KDM4E: variants seen among roughly 807,000 people sequenced by gnomAD.
The protein encoded by KDM4E is lysine-specific demethylase 4E.
For missense variants in KDM4E, 576 were observed against 642.6 expected, an observed-to-expected ratio of 0.90 and a Z score of 1.12; for synonymous variants, 229 against 232.9, an observed-to-expected ratio of 0.98 and a Z score of 0.15.
rs553664971 is a variant in KDM4E at position 95,025,896 on chromosome 11, G to T, written c.339G>T (p.Gln113His). The change falls in exon 1 of 1, where the codon CAG (glutamine) becomes CAT (histidine). Residue 113 changes from glutamine (Q) to histidine (H), a missense_variant. Gln to His is a conservative substitution (Grantham distance 24). Coordinates refer to ENST00000450979, the MANE Select transcript of KDM4E (RefSeq NM_001161630.1). The part of the protein sequence containing the change: ...NSKKYQTPPH[Q>H]NFADLEQRYW... ...AAAAATATCAGACTCCGCCACACCA[G>T]AATTTTGCAGATTTGGAGCAACGAT... 55 of 1,585,106 alleles carry T rather than the reference G, an allele frequency of 3.5e-5. No individual in the cohort carries two copies. In the Middle Eastern group the frequency reaches 6.6e-4, roughly 19 times the overall value.
In KDM4E at chr11:95,026,208, T is replaced by C. The variant is rs782544321; in HGVS notation, c.651T>C (p.Gly217=). The C allele has an allele frequency of 6.2e-7, 1 of 1,614,120 alleles. No homozygotes were observed. Among genetic ancestry groups the C allele is most frequent in the Non-Finnish European group, 8.5e-7 (1 of 1,180,018 alleles). The change falls in exon 1 of 1, where the codon GGT becomes GGC. Residue 217 remains glycine (G), a synonymous_variant. Transcript: ENST00000450979. The stretch of plus-strand genomic sequence containing the variant: ...GGTACGTGGTGCCCCCAGAACATGG[T>C]CAGCACCTGGAACGCCTGGCCAGGG... ...KTWYVVPPEH[G]QHLERLAREL...
chr11:95,026,267 C>G lies in KDM4E; in HGVS notation c.710C>G (p.Ala237Gly), dbSNP rs529160852. Reference sequence around the variant, plus strand: ...CCAGACATTTCTCGGGGCTGTGAGGCCTTCCTGCGGCACAAAGTGGCCCTC... The same window carrying G: ...CCAGACATTTCTCGGGGCTGTGAGGGCTTCCTGCGGCACAAAGTGGCCCTC... ...LFPDISRGCE[A>G]FLRHKVALIS... is the part of the protein sequence containing the mutation. The change falls in exon 1 of 1, where the codon GCC becomes GGC. Residue 237 changes from alanine (A) to glycine (G), a missense_variant. Physicochemically the swap from Ala to Gly is moderately conservative, Grantham distance 60. Transcript: ENST00000450979. 1.4e-5 allele frequency: 23 copies of G among 1,613,988 alleles called. No individual in the cohort carries two copies. In the South Asian group the frequency reaches 1.9e-4, roughly 13 times the overall value.
rs1022705375 is a variant in KDM4E, at chr11:95,027,056, T to G, written c.1499T>G (p.Leu500Trp). The G allele has an allele frequency of 2.6e-6, 4 of 1,537,128 alleles. No homozygotes were observed. The East Asian group carries it at 9.8e-5, about 38-fold the overall frequency. The change falls in exon 1 of 1, where the codon TTG becomes TGG. Residue 500 changes from leucine to tryptophan, a missense_variant. By Grantham distance (61) the Leu-to-Trp change is moderately conservative. Transcript: ENST00000450979. ...CCTCAGCTCCCGCTTGCCAATGATT[T>G]GATGACAAATCTGTCCCTTTGAGTG... The part of the protein sequence containing the change: ...HRPQLPLAND[L>W]MTNLSL
chr11:95,025,469 A>ATG lies in KDM4E; in HGVS notation c.-89_-88insTG. 6.9e-7 allele frequency: 1 copy of ATG among 1,439,636 alleles called. No homozygotes were observed. Among genetic ancestry groups the ATG allele is most frequent in the Non-Finnish European group, 9.1e-7 (1 of 1,100,452 alleles). 89.2% of individuals were successfully genotyped at this position (1,439,636 alleles called of 1,614,324 possible). A position where few individuals can be genotyped will look rare whatever the true frequency, so the allele number is the denominator to read the frequency against. The stretch of plus-strand genomic sequence containing the variant: ...ATAAACCAAAGTATTTTGAAAAACA[A>ATG]AGGGGAGAAAAGAAATTACTCCCCA... On this transcript the variant is annotated 5_prime_UTR_variant, in exon 1 of 1. It adds an upstream start codon to the 5' untranslated region. Transcript: ENST00000450979.
chr11:95,026,727 C>CT lies in KDM4E; in HGVS notation c.1171dup (p.Cys391LeufsTer10). On this transcript the variant is annotated frameshift_variant, in exon 1 of 1. Transcript: ENST00000450979. LOFTEE classifies it low-confidence loss of function (END_TRUNC). ...CCACACAGCCTGTGTCCTCAGGGCA[C>CT]TGTTACAACCCAAAAGGCTGTGGCA... is the stretch of plus-strand genomic sequence containing the variant. 6.5e-7 allele frequency: 1 copy of CT among 1,537,270 alleles called. No homozygotes were observed. The highest frequency in any genetic ancestry group is 8.7e-7 in the Non-Finnish European group (1 of 1,146,906).
rs1433902552 is a variant in KDM4E, at chr11:95,027,091, A to C, written c.*13A>C. On this transcript the variant is annotated 3_prime_UTR_variant, in exon 1 of 1. Transcript: ENST00000450979. Reference sequence around the variant, plus strand: ...TCTGTCCCTTTGAGTGGTGGCCTTCAGCATCTTGCCAAGGCTTCTGGCTGC... The same window carrying C: ...TCTGTCCCTTTGAGTGGTGGCCTTCCGCATCTTGCCAAGGCTTCTGGCTGC... The C allele has an allele frequency of 6.5e-7, 1 of 1,534,654 alleles. No individual in the cohort carries two copies. Among genetic ancestry groups the C allele is most frequent in the Non-Finnish European group, 8.7e-7 (1 of 1,145,312 alleles).
Position 95,025,622 on chromosome 11 carries a change from T to A in KDM4E, c.65T>A (p.Met22Lys), listed in dbSNP as rs1020236796. The A allele has an allele frequency of 1.4e-5, 22 of 1,537,452 alleles. No individual in the cohort carries two copies. The highest frequency in any genetic ancestry group is 1.9e-5 in the Non-Finnish European group (22 of 1,146,940). The change falls in exon 1 of 1, where the codon ATG (methionine) becomes AAG (lysine). Residue 22 changes from methionine to lysine, a missense_variant. Met to Lys is a moderately conservative substitution (Grantham distance 95). Transcript: ENST00000450979. ...SHTIMTFYPT[M>K]EEFADFNTYV... ...ACCATCATGACGTTTTACCCAACCATGGAAGAATTTGCAGATTTCAACACA... is the reference window on the plus strand; with the variant it reads ...ACCATCATGACGTTTTACCCAACCAAGGAAGAATTTGCAGATTTCAACACA...
At position 95,026,508 on chromosome 11, in the gene KDM4E, C is replaced by T. The variant is rs1156299897; in HGVS notation, c.951C>T (p.Ser317=). 4 of 1,587,540 alleles carry T rather than the reference C, an allele frequency of 2.5e-6. No homozygotes were observed. Among genetic ancestry groups the T allele is most frequent in the Non-Finnish European group, 3.4e-6 (4 of 1,172,536 alleles). The change falls in exon 1 of 1, where the codon TCC becomes TCT. Residue 317 remains serine, a synonymous_variant. Coordinates refer to ENST00000450979, the MANE Select transcript of KDM4E (RefSeq NM_001161630.1). Reference sequence around the variant, plus strand: ...GTGGGGAGTCGACAGTGACCTTTTCCATGGACCCCTTTGTGCGCATTGTGC... The same window carrying T: ...GTGGGGAGTCGACAGTGACCTTTTCTATGGACCCCTTTGTGCGCATTGTGC... ...CSCGESTVTF[S]MDPFVRIVQP...
Position 95,026,840 on chromosome 11 carries a change from T to G in KDM4E, c.1283T>G (p.Leu428Arg), listed in dbSNP as rs1018509086. ...SLTLGMSARV[L>R]LPSTGSWGSG... ...ACCCTGGGGATGTCAGCCAGGGTTCTTCTCCCTTCCACTGGAAGCTGGGGT... is the reference window on the plus strand; with the variant it reads ...ACCCTGGGGATGTCAGCCAGGGTTCGTCTCCCTTCCACTGGAAGCTGGGGT... The change falls in exon 1 of 1, where the codon CTT (leucine) becomes CGT (arginine). Residue 428 changes from leucine to arginine, a missense_variant. Transcript: ENST00000450979. 6.5e-7 allele frequency: 1 copy of G among 1,537,268 alleles called. No homozygotes were observed. The highest frequency in any genetic ancestry group is 8.7e-7 in the Non-Finnish European group (1 of 1,146,906).
chr11:95,026,438 C>T lies in KDM4E; in HGVS notation c.881C>T (p.Thr294Ile). 6.2e-7 allele frequency: 1 copy of T among 1,611,882 alleles called. No individual in the cohort carries two copies. The highest frequency in any genetic ancestry group is 8.5e-7 in the Non-Finnish European group (1 of 1,179,996). The change falls in exon 1 of 1, where the codon ACT becomes ATT. Residue 294 changes from threonine (T) to isoleucine (I), a missense_variant. Coordinates refer to ENST00000450979, the MANE Select transcript of KDM4E (RefSeq NM_001161630.1). ...FNCAEAINFA[T>I]PRWIDYGKMA... is the part of the protein sequence containing the mutation. ...TGCGCAGAAGCCATTAATTTTGCCA[C>T]TCCACGATGGATTGATTATGGCAAA... is the stretch of plus-strand genomic sequence containing the variant.
At position 95,027,372 on chromosome 11, in the gene KDM4E, G is replaced by T; in HGVS notation, c.*294G>T. 1 of 413,462 alleles carries T rather than the reference G, an allele frequency of 2.4e-6. No homozygotes were observed. Among genetic ancestry groups the T allele is most frequent in the Non-Finnish European group, 4.3e-6 (1 of 230,744 alleles). The allele number at this position is 413,462 out of a possible 1,614,324, so 25.6% of individuals were successfully genotyped here. The stretch of plus-strand genomic sequence containing the variant: ...GCTGTAGCAATGGACCACTTTTACG[G>T]CTCTAGGGTTCTGACTCCAACTAAG... On this transcript the variant is annotated 3_prime_UTR_variant, in exon 1 of 1. Transcript: ENST00000450979.
Position 95,026,708 on chromosome 11 carries a change from A to T in KDM4E, c.1151A>T (p.Gln384Leu). The change falls in exon 1 of 1, where the codon CAG (glutamine) becomes CTG (leucine). Residue 384 changes from glutamine (Q) to leucine (L), a missense_variant. Physicochemically the swap from Gln to Leu is moderately radical, Grantham distance 113. Transcript: ENST00000450979. The stretch of plus-strand genomic sequence containing the variant: ...AACCTCACAGCCCAGTGTCCCACAC[A>T]GCCTGTGTCCTCAGGGCACTGTTAC... ...LPNLTAQCPT[Q>L]PVSSGHCYNP... is the part of the protein sequence containing the mutation. The T allele has an allele frequency of 6.5e-7, 1 of 1,537,282 alleles. No individual in the cohort carries two copies.
At position 95,026,472 on chromosome 11, in the gene KDM4E, T is replaced by C. The variant is rs782367768; in HGVS notation, c.915T>C (p.Ser305=). 1.2e-6 allele frequency: 2 copies of C among 1,606,724 alleles called. No homozygotes were observed. Among genetic ancestry groups the C allele is most frequent in the South Asian group, 1.1e-5 (1 of 90,764 alleles). The change falls in exon 1 of 1, where the codon TCT becomes TCC. Residue 305 remains serine (S), a synonymous_variant. Coordinates refer to ENST00000450979, the MANE Select transcript of KDM4E (RefSeq NM_001161630.1). ...GGATTGATTATGGCAAAATGGCCTC[T>C]CAGTGTAGCTGTGGGGAGTCGACAG... is the stretch of plus-strand genomic sequence containing the variant. ...PRWIDYGKMA[S]QCSCGESTVT...
At position 95,027,594 on chromosome 11, in the gene KDM4E, G is replaced by A. The variant is rs115129996; in HGVS notation, c.*516G>A. 1,153 of 159,098 alleles carry A rather than the reference G, an allele frequency of 7.2e-3. 12 individuals carry two copies. The highest frequency in any genetic ancestry group is 0.026 in the African/African-American group (1,099 of 41,536). 9.9% of individuals were successfully genotyped at this position (159,098 alleles called of 1,614,324 possible). On this transcript the variant is annotated 3_prime_UTR_variant, in exon 1 of 1. Coordinates refer to ENST00000450979, the MANE Select transcript of KDM4E (RefSeq NM_001161630.1). ...CTGCAGTAACTGACACATTTCCAAG[G>A]CCCCCAGATGCTGTCTCCAACTGTG...
Position 95,025,442 on chromosome 11 carries a change from A to C in KDM4E, c.-116A>C, listed in dbSNP as rs934394486. On this transcript the variant is annotated 5_prime_UTR_variant, in exon 1 of 1. Transcript: ENST00000450979. ...GTCCAAGTGTGAATTACTGTCTCACAGATAAACCAAAGTATTTTGAAAAAC... is the reference window on the plus strand; with the variant it reads ...GTCCAAGTGTGAATTACTGTCTCACCGATAAACCAAAGTATTTTGAAAAAC... 1 of 1,420,272 alleles carries C rather than the reference A, an allele frequency of 7.0e-7. No homozygotes were observed. Among genetic ancestry groups the C allele is most frequent in the African/African-American group, 1.4e-5 (1 of 69,388 alleles). The allele number at this position is 1,420,272 out of a possible 1,614,324, so 88.0% of individuals were successfully genotyped here.
At position 95,025,609 on chromosome 11, in the gene KDM4E, T is replaced by G. The variant is rs782065295; in HGVS notation, c.52T>G (p.Phe18Val). 11 of 1,537,130 alleles carry G rather than the reference T, an allele frequency of 7.2e-6. No homozygotes were observed. In the East Asian group the frequency reaches 9.8e-5, roughly 14 times the overall value. ...GAACACGAGTCATACCATCATGACG[T>G]TTTACCCAACCATGGAAGAATTTGC... Reference protein sequence around the residue: ...PQNTSHTIMTFYPTMEEFADF... With the variant: ...PQNTSHTIMTVYPTMEEFADF... The change falls in exon 1 of 1, where the codon TTT becomes GTT. Residue 18 changes from phenylalanine to valine, a missense_variant. By Grantham distance (50) the Phe-to-Val change is conservative (BLOSUM62 -1). Coordinates refer to ENST00000450979, the MANE Select transcript of KDM4E (RefSeq NM_001161630.1).
Position 95,026,591 on chromosome 11 carries a change from CAGAGCCCAGGGTTGCAGAAAGCCA to C in KDM4E, c.1040_1063del (p.Pro347_Glu354del). The C allele has an allele frequency of 6.5e-7, 1 of 1,537,752 alleles. No individual in the cohort carries two copies. Among genetic ancestry groups the C allele is most frequent in the Non-Finnish European group, 8.7e-7 (1 of 1,147,108 alleles). The stretch of plus-strand genomic sequence containing the variant: ...CAAGACTTGGCCATTGTGGAACACA[CAGAGCCCAGGGTTGCAGAAAGCCA>C]AGAGCTGAGCAACTGGAGAGATGAT... On this transcript the variant is annotated inframe_deletion, in exon 1 of 1. Coordinates refer to ENST00000450979, the MANE Select transcript of KDM4E (RefSeq NM_001161630.1).
chr11:95,025,639 T>C lies in KDM4E; in HGVS notation c.82T>C (p.Phe28Leu). The C allele has an allele frequency of 5.8e-6, 9 of 1,538,712 alleles. No homozygotes were observed. Among genetic ancestry groups the C allele is most frequent in the Non-Finnish European group, 7.0e-6 (8 of 1,147,548 alleles). ...CCCAACCATGGAAGAATTTGCAGAT[T>C]TCAACACATATGTTGCTTACATGGA... ...FYPTMEEFAD[F>L]NTYVAYMESQ... Residue 28 changes from phenylalanine to leucine, a missense_variant, in exon 1 of 1, where the codon TTC becomes CTC. By Grantham distance (22) the Phe-to-Leu change is conservative. Transcript: ENST00000450979.
Position 95,027,000 on chromosome 11 carries a change from G to A in KDM4E, c.1443G>A (p.Met481Ile), listed in dbSNP as rs781835982. 1 of 1,537,216 alleles carries A rather than the reference G, an allele frequency of 6.5e-7. No individual in the cohort carries two copies. Among genetic ancestry groups the A allele is most frequent in the South Asian group, 1.2e-5 (1 of 84,052 alleles). Residue 481 changes from methionine (M) to isoleucine (I), a missense_variant, in exon 1 of 1, where the codon ATG becomes ATA. Met to Ile is a conservative substitution (Grantham distance 10). Coordinates refer to ENST00000450979, the MANE Select transcript of KDM4E (RefSeq NM_001161630.1). ...VQPASKRRLL[M>I]GTRSRAQGHR... ...CTGCATCCAAGAGGCGCCTTTTAAT[G>A]GGTACAAGGAGTAGAGCTCAAGGCC...
Sources: allele counts gnomAD v4.1 joint callset, GRCh38; gene constraint gnomAD v4.1.1; transcripts MANE v1.5; gene names NCBI Gene and HGNC (gene_info 2026-07-23, HGNC 2026-07-21).